GUCY2F: variants seen among roughly 807,000 people sequenced by gnomAD.
GUCY2F encodes the protein retinal guanylyl cyclase 2.
In GUCY2F, 61 loss-of-function variants were observed where a neutral mutation model predicts 73.1. The observed-to-expected ratio is 0.83, with a 90% confidence interval of 0.68 to 1.03. The LOEUF (loss-of-function observed/expected upper bound fraction) is 1.03. GUCY2F is among the 50% of genes least tolerant of loss of function. GUCY2F has a pLI of 0.00. For missense variants in GUCY2F, 912 were observed against 854.3 expected, an observed-to-expected ratio of 1.07 and a Z score of -0.84; for synonymous variants, 331 against 307.8, an observed-to-expected ratio of 1.08 and a Z score of -0.79.
chrX:109,440,490 G>A (rs1931843807), intron 7 of GUCY2F, among the ~76,000 whole-genome samples: 1 of 111,734 alleles, frequency 8.9e-6, no homozygotes, highest in African/African-American at 3.3e-5. Context: ...GTATTCACTT[G>A]AAAAATCCAA....
intron 3 of GUCY2F, among the ~76,000 whole-genome samples, chrX:109,461,373 G>A (rs983392671): frequency 3.6e-5 from 4 of 112,062 alleles, no homozygotes; most frequent in Non-Finnish European, 7.5e-5. Flanking sequence ...TGTTTGTATC[G>A]CTTTGATAGC....
intron 6 of GUCY2F, among the ~76,000 whole-genome samples, chrX:109,445,854 T>A (rs1051980684): frequency 6.3e-5 from 7 of 111,767 alleles, no homozygotes; most frequent in Non-Finnish European, 9.4e-5. Flanking sequence ...GCAGATGACA[T>A]GATTGTATAT....
chrX:109,450,342 G>C (rs1243779225), intron 5 of GUCY2F, among the ~76,000 whole-genome samples: 1 of 110,741 alleles, frequency 9.0e-6, no homozygotes, highest in Non-Finnish European at 1.9e-5. Context: ...TTGCAGACTA[G>C]GCTCACTCAA....
chrX:109,464,738 C>A (rs1932429929), intron 3 of GUCY2F, among the ~76,000 whole-genome samples: 1 of 112,391 alleles, frequency 8.9e-6, no homozygotes, highest in East Asian at 2.8e-4. Context: ...TCCTCCAATA[C>A]CAGTGTTATC....
chrX:109,431,699 G>GAAAA (rs539109461), intron 7 of GUCY2F, among the ~76,000 whole-genome samples: 4 of 81,975 alleles, frequency 4.9e-5, no homozygotes, highest in Admixed American at 4.2e-4. Flanking sequence ...ACTCTGTCTG[G>GAAAA]AAAAAAAAAA....
chrX:109,388,363 T>C, intron 15 of GUCY2F, 126 bp downstream of exon 15: 1 of 544,526 alleles, frequency 1.8e-6, no homozygotes, highest in Non-Finnish European at 3.1e-6. Flanking sequence ...ATAAAGGAAT[T>C]ATGCAGCCCG....
chrX:109,458,915 CTT>C (rs1315302272), intron 3 of GUCY2F, among the ~76,000 whole-genome samples: 1 of 110,964 alleles, frequency 9.0e-6, no homozygotes, highest in Non-Finnish European at 1.9e-5. Flanking sequence ...GGCAGTCTGC[CTT>C]CAAAACCCAT....
intron 8 of GUCY2F, among the ~76,000 whole-genome samples, chrX:109,428,898 A>G (rs1931546995): frequency 8.9e-6 from 1 of 112,212 alleles, no homozygotes. Context: ...ATTATGTCAA[A>G]ATTAAAAGCT....
chrX:109,476,360 G>A (rs906251943), intron 1 of GUCY2F, among the ~76,000 whole-genome samples: 3 of 112,045 alleles, frequency 2.7e-5, no homozygotes, highest in African/African-American at 9.7e-5. Context: ...GTTAACACAC[G>A]GCAAGTGCTT....
chrX:109,467,957 T>C (rs112856689), intron 2 of GUCY2F, among the ~76,000 whole-genome samples: 1,695 of 111,718 alleles, frequency 0.015, 25 homozygotes, highest in African/African-American at 0.053. Context: ...CACATGGAGG[T>C]AGAACAGCCC....
At position 109,383,729 on chromosome X, in the gene GUCY2F, T is replaced by G. The variant is rs2300122; in HGVS notation, c.3055+1455A>C. Among the ~76,000 whole-genome samples the G allele has an allele frequency of 1.9e-3, 218 of 112,318 alleles. 6 individuals are homozygous for G. In the East Asian group the frequency reaches 0.053, roughly 28 times the overall value. On this transcript the variant is annotated intron_variant, in intron 16 of 19. Coordinates refer to ENST00000218006, the MANE Select transcript of GUCY2F (RefSeq NM_001522.3). ...CACCTGCTGTGGGTGATTCACTCCA[T>G]TTTCTTCGTTCTAGCTGATCACTGG...
chrX:109,428,073 T>A (rs964656175), intron 8 of GUCY2F, among the ~76,000 whole-genome samples: 3 of 112,503 alleles, frequency 2.7e-5, no homozygotes, highest in East Asian at 5.5e-4. Context: ...TTCTTTCTTA[T>A]AATAAAATGT....
chrX:109,416,466 G>A (rs1329786390), intron 8 of GUCY2F, among the ~76,000 whole-genome samples: 1 of 106,405 alleles, frequency 9.4e-6, no homozygotes, highest in Admixed American at 1.0e-4. Context: ...ATGAACTTGA[G>A]GAGAGATCAA....
chrX:109,451,951 T>C, intron 5 of GUCY2F, 72 bp downstream of exon 5: 3 of 598,243 alleles, frequency 5.0e-6, no homozygotes, highest in Non-Finnish European at 8.6e-6. Context: ...AAACAGGACT[T>C]CCTGGAAATC....
At chrX:109,382,383 T>G (rs1360417178) in intron 16 of GUCY2F, among the ~76,000 whole-genome samples, 171 bp from the exon 17 acceptor site, 1 of 112,388 alleles carries the variant, frequency 8.9e-6, no homozygotes, top group African/African-American at 3.2e-5. Context: ...GATGGCCTTC[T>G]TCACCAGGCC....
At chrX:109,402,634 G>A (rs921196077) in intron 10 of GUCY2F, among the ~76,000 whole-genome samples, 2 of 111,397 alleles carry the variant, frequency 1.8e-5, no homozygotes, top group African/African-American at 6.5e-5. Context: ...GCCTCCCAAG[G>A]TATTGTGTTT....
At chrX:109,461,193 G>A (rs190396630) in intron 3 of GUCY2F, among the ~76,000 whole-genome samples, 6 of 111,547 alleles carry the variant, frequency 5.4e-5, no homozygotes, top group East Asian at 5.6e-4. Context: ...TTGATTAATC[G>A]AGAGTCACCA....
chrX:109,397,982 T>C (rs149529281), intron 11 of GUCY2F, among the ~76,000 whole-genome samples: 1 of 111,867 alleles, frequency 8.9e-6, no homozygotes, highest in Non-Finnish European at 1.9e-5. Flanking sequence ...AGGTGGTGTC[T>C]ACAGGATCCT....
intron 3 of GUCY2F, among the ~76,000 whole-genome samples, chrX:109,455,673 C>A (rs1932243902): frequency 9.0e-6 from 1 of 111,102 alleles, no homozygotes; most frequent in African/African-American, 3.3e-5. Flanking sequence ...TACTGGAGTG[C>A]CCCACAGCTC....
Sources: gnomAD v4.1 joint callset for allele counts (sites outside exome capture counted in the v4.1 genomes callset) on GRCh38, gnomAD v4.1.1 for gene constraint, MANE v1.5 for transcripts, NCBI Gene and HGNC (gene_info 2026-07-23, HGNC 2026-07-21) for gene names.